Variants in TIAM1 observed in about 807,000 individuals in gnomAD.
TIAM1 encodes the protein rho guanine nucleotide exchange factor TIAM1.
Under a neutral mutation model 163.5 loss-of-function variants are expected in TIAM1, and 65 were observed. The observed-to-expected ratio is 0.40, with a 90% CI of 0.33 to 0.49. The LOEUF is 0.49. TIAM1 is among the 20% of genes least tolerant of loss of function. The probability of loss-of-function intolerance (pLI) is 0.77; values close to 1 mark genes in which losing one functional copy is unlikely to be tolerated. For synonymous variants in TIAM1, 833 were observed against 810.1 expected (o/e 1.03, Z -0.48); for missense variants, 1,789 against 2,044.7 (o/e 0.87, Z 2.41).
At chr21:31,424,762 C>T (rs1602246060) in intron 2 of TIAM1, among the ~76,000 whole-genome samples, 1 of 152,132 alleles carries the variant, frequency 6.6e-6, no homozygotes, top group African/African-American at 2.4e-5. Context: ...ATCAAAAGTG[C>T]TAAGATGGGC....
At chr21:31,361,506 A>G (rs1423009053) in intron 2 of TIAM1, among the ~76,000 whole-genome samples, 1 of 152,220 alleles carries the variant, frequency 6.6e-6, no homozygotes, top group East Asian at 1.9e-4. Flanking sequence ...TAGGCTGTAC[A>G]GTCACGTGTT....
intron 16 of TIAM1, among the ~76,000 whole-genome samples, chr21:31,163,418 G>A (rs1396664000): frequency 2.0e-5 from 3 of 152,170 alleles, no homozygotes; most frequent in Non-Finnish European, 4.4e-5. Context: ...AAGGAAACAT[G>A]TGCATTTCCA....
At chr21:31,351,220 T>C (rs1023879505) in intron 2 of TIAM1, among the ~76,000 whole-genome samples, 1 of 151,934 alleles carries the variant, frequency 6.6e-6, no homozygotes, top group African/African-American at 2.4e-5. Flanking sequence ...AGAAAGGAGG[T>C]CTTATAAATC....
intron 2 of TIAM1, among the ~76,000 whole-genome samples, chr21:31,410,868 C>G (rs911146937): frequency 2.6e-5 from 4 of 152,044 alleles, no homozygotes; most frequent in African/African-American, 9.7e-5. Context: ...CTGTGTCTGA[C>G]GGCAACTAAA....
intron 2 of TIAM1, among the ~76,000 whole-genome samples, chr21:31,376,050 G>A (rs2284503): frequency 0.057 from 8,637 of 151,752 alleles, 488 homozygotes; most frequent in East Asian, 0.29. Flanking sequence ...AAAAAAAAGA[G>A]TAGAAAAAAA....
chr21:31,168,175 C>G (rs2084330722), intron 15 of TIAM1, among the ~76,000 whole-genome samples: 1 of 151,386 alleles, frequency 6.6e-6, no homozygotes, highest in Admixed American at 6.6e-5. Context: ...TCACTGCAAC[C>G]TCCGCCCCAT....
At chr21:31,534,299 GAAC>G (rs2048059058) in intron 1 of TIAM1, among the ~76,000 whole-genome samples, 1 of 152,210 alleles carries the variant, frequency 6.6e-6, no homozygotes, top group Non-Finnish European at 1.5e-5. Context: ...CCTACATCGA[GAAC>G]AACCAGACTT....
At chr21:31,418,270 A>G (rs1038260351) in intron 2 of TIAM1, among the ~76,000 whole-genome samples, 3 of 143,698 alleles carry the variant, frequency 2.1e-5, no homozygotes, top group African/African-American at 7.7e-5. Context: ...TGAACCCGGC[A>G]GGCGGAAGTT....
intron 2 of TIAM1, among the ~76,000 whole-genome samples, chr21:31,427,583 T>C (rs1307337171): frequency 6.6e-6 from 1 of 152,066 alleles, no homozygotes; most frequent in African/African-American, 2.4e-5. Flanking sequence ...CTAATGCCTA[T>C]AAGCCCAGTA....
rs189150505 is a variant in TIAM1, at chr21:31,477,815, C to T, written c.-421-13780G>A. Reference sequence around the variant, plus strand: ...ATTTAGGAGGAAAGAGGAAGGAAGGCAGCATGTTGGTATCATGGCATGATG... The same window carrying T: ...ATTTAGGAGGAAAGAGGAAGGAAGGTAGCATGTTGGTATCATGGCATGATG... On this transcript the variant is annotated intron_variant, in intron 1 of 28. Transcript: ENST00000286827. Among the ~76,000 whole-genome samples, 884 of 152,254 alleles carry T rather than the reference C, an allele frequency of 5.8e-3. 11 individuals carry two copies. The highest frequency in any genetic ancestry group is 0.021 in the African/African-American group (856 of 41,560).
At chr21:31,293,025 T>C (rs548472666) in intron 2 of TIAM1, among the ~76,000 whole-genome samples, 20 of 152,322 alleles carry the variant, frequency 1.3e-4, no homozygotes, top group Non-Finnish European at 2.6e-4. Context: ...AGTTTCGCCA[T>C]GTTGGCCAGG....
intron 15 of TIAM1, among the ~76,000 whole-genome samples, chr21:31,180,268 A>T (rs2084953285): frequency 6.6e-6 from 1 of 152,086 alleles, no homozygotes; most frequent in African/African-American, 2.4e-5. Flanking sequence ...TCCTTAAAAA[A>T]ACAAATTGTG....
intron 2 of TIAM1, among the ~76,000 whole-genome samples, chr21:31,312,422 C>T (rs781195006): frequency 1.1e-4 from 16 of 152,060 alleles, no homozygotes; most frequent in African/African-American, 3.4e-4. Context: ...CATTAGTATA[C>T]GCAGCATGTA....
At chr21:31,189,545 G>C (rs1159127849) in intron 13 of TIAM1, among the ~76,000 whole-genome samples, 1 of 152,132 alleles carries the variant, frequency 6.6e-6, no homozygotes. Flanking sequence ...TGGAAGAAAC[G>C]ATAATGGGCA....
chr21:31,362,274 G>A (rs2076419256), intron 2 of TIAM1, among the ~76,000 whole-genome samples: 1 of 151,936 alleles, frequency 6.6e-6, no homozygotes, highest in African/African-American at 2.4e-5. Context: ...TGGTGTCACT[G>A]GACTGGATGA....
chr21:31,423,700 TAAAAAAAAAA>T (rs200137644), intron 2 of TIAM1, among the ~76,000 whole-genome samples: 11 of 48,228 alleles, frequency 2.3e-4, no homozygotes, highest in East Asian at 6.0e-4. Flanking sequence ...TAGAAAGTTG[TAAAAAAAAAA>T]AAAAAAAAAA....
chr21:31,375,500 G>A (rs200669796), intron 2 of TIAM1, among the ~76,000 whole-genome samples: 1 of 76,790 alleles, frequency 1.3e-5, no homozygotes, highest in African/African-American at 4.0e-5. Context: ...CCACCTTTCT[G>A]TTTTTTCAAC....
At chr21:31,475,663 G>T (rs1316894002) in intron 1 of TIAM1, among the ~76,000 whole-genome samples, 1 of 152,152 alleles carries the variant, frequency 6.6e-6, no homozygotes, top group Non-Finnish European at 1.5e-5. Context: ...AAGAAACCAA[G>T]AATCAGTGCA....
intron 20 of TIAM1, among the ~76,000 whole-genome samples, chr21:31,143,002 A>G (rs2146281091): frequency 6.6e-6 from 1 of 152,270 alleles, no homozygotes; most frequent in African/African-American, 2.4e-5. Flanking sequence ...AGAGGAGGGG[A>G]CAGTGTATCC....
Sources: gnomAD v4.1 joint callset for allele counts (sites outside exome capture counted in the v4.1 genomes callset) on GRCh38, gnomAD v4.1.1 for gene constraint, MANE v1.5 for transcripts, NCBI Gene and HGNC (gene_info 2026-07-23, HGNC 2026-07-21) for gene names.